Variants in ZSWIM6 observed in about 807,000 individuals in gnomAD.
ZSWIM6 encodes zinc finger SWIM domain-containing protein 6.
ZSWIM6 carries 9 observed loss-of-function variants against 113.2 expected under a neutral mutation model. The observed-to-expected ratio is 0.08, with a 90% CI of 0.05 to 0.14. The LOEUF is 0.14. Among genes scored for constraint, ZSWIM6 ranks in the 10% least tolerant of loss-of-function variants. The pLI, the probability that ZSWIM6 is intolerant of heterozygous loss-of-function variation, is 1.00. For synonymous variants in ZSWIM6, 611 were observed against 606.5 expected (o/e 1.01, Z -0.11); for missense variants, 1,162 against 1,552.2 (o/e 0.75, Z 4.22).
rs573398112 is a variant in ZSWIM6, at chr5:61,345,394, G to T, written c.676+12446G>T. Among the ~76,000 whole-genome samples the T allele has an allele frequency of 3.9e-5, 6 of 152,328 alleles. No individual in the cohort carries two copies. In the East Asian group the frequency reaches 1.2e-3, roughly 29 times the overall value. On this transcript the variant is annotated intron_variant, in intron 1 of 13. Transcript: ENST00000252744. ...AGCCAGTGTTATGTAGATTGTGTTT[G>T]CAAATTGAGTTTAAAGTTTTTGGAT...
chr5:61,421,520 G>C (rs1181252568), intron 1 of ZSWIM6, among the ~76,000 whole-genome samples: 2 of 152,102 alleles, frequency 1.3e-5, no homozygotes, highest in African/African-American at 2.4e-5. Flanking sequence ...GGGTACATGT[G>C]AAGATTTGTT....
At chr5:61,507,328 G>A (rs1327972493) in intron 4 of ZSWIM6, among the ~76,000 whole-genome samples, 1 of 152,142 alleles carries the variant, frequency 6.6e-6, no homozygotes, top group African/African-American at 2.4e-5. Context: ...AAACCATGAA[G>A]GAGAAGGAAC....
Position 61,492,808 on chromosome 5 carries a change from G to C in ZSWIM6, c.1183-1452G>C, listed in dbSNP as rs530167005. 4.6e-5 allele frequency among the ~76,000 whole-genome samples: 7 copies of C among 152,178 alleles called. No individual in the cohort carries two copies. In the East Asian group the frequency reaches 1.2e-3, roughly 25 times the overall value. ...GGAATTTCCATTTCTTGAGGGTGCAGACCTCAGGCAGGATCTATTCTAGAT... is the reference window on the plus strand; with the variant it reads ...GGAATTTCCATTTCTTGAGGGTGCACACCTCAGGCAGGATCTATTCTAGAT... On this transcript the variant is annotated intron_variant, in intron 3 of 13. Coordinates refer to ENST00000252744, the MANE Select transcript of ZSWIM6 (RefSeq NM_020928.2).
chr5:61,368,615 T>C (rs1745206685), intron 1 of ZSWIM6, among the ~76,000 whole-genome samples: 1 of 152,254 alleles, frequency 6.6e-6, no homozygotes, highest in South Asian at 2.1e-4. Context: ...TTTTAAATTA[T>C]CAGTTTGCCT....
intron 1 of ZSWIM6, among the ~76,000 whole-genome samples, chr5:61,336,612 A>G (rs1744403587): frequency 6.6e-6 from 1 of 152,048 alleles, no homozygotes; most frequent in Non-Finnish European, 1.5e-5. Context: ...TACAAAAATT[A>G]GGCATCGTGG....
chr5:61,404,456 A>G (rs556193318), intron 1 of ZSWIM6, among the ~76,000 whole-genome samples: 1 of 152,296 alleles, frequency 6.6e-6, no homozygotes, highest in African/African-American at 2.4e-5. Flanking sequence ...AGCCATGGCT[A>G]CCACCTCTCA....
chr5:61,542,961 G>A (rs1408403151), intron 13 of ZSWIM6, among the ~76,000 whole-genome samples: 1 of 152,178 alleles, frequency 6.6e-6, no homozygotes, highest in East Asian at 1.9e-4. Flanking sequence ...TGATTCATCT[G>A]TAGGTCTGCT....
intron 1 of ZSWIM6, among the ~76,000 whole-genome samples, chr5:61,357,906 T>C (rs1358256336): frequency 6.6e-6 from 1 of 152,202 alleles, no homozygotes; most frequent in Non-Finnish European, 1.5e-5. Context: ...GGACCTGTTT[T>C]AGCCCTACTC....
At chr5:61,368,013 G>C (rs574903588) in intron 1 of ZSWIM6, among the ~76,000 whole-genome samples, 50 of 152,198 alleles carry the variant, frequency 3.3e-4, no homozygotes, top group Non-Finnish European at 6.6e-4. Context: ...TGTAGTCCCA[G>C]CTACTTGGGA....
intron 1 of ZSWIM6, among the ~76,000 whole-genome samples, chr5:61,404,286 A>C (rs1410835667): frequency 6.6e-6 from 1 of 152,218 alleles, no homozygotes; most frequent in Non-Finnish European, 1.5e-5. Context: ...TATCAGTTGC[A>C]TTCTTAAAAT....
rs537360068 is a variant in ZSWIM6, at chr5:61,383,646, C to T, written c.676+50698C>T. ...CGCCTCCCCAGTTCAAGTAGTTCTC[C>T]TGTTTCCTCCTTCTCAAGTCCTCCT... On this transcript the variant is annotated intron_variant, in intron 1 of 13. Transcript: ENST00000252744. Among the ~76,000 whole-genome samples, 21 of 151,978 alleles carry T rather than the reference C, an allele frequency of 1.4e-4. No homozygotes were observed. The East Asian group carries it at 4.1e-3, about 30-fold the overall frequency.
intron 2 of ZSWIM6, among the ~76,000 whole-genome samples, chr5:61,483,520 T>A (rs1747932516): frequency 6.6e-6 from 1 of 152,174 alleles, no homozygotes; most frequent in Non-Finnish European, 1.5e-5. Flanking sequence ...TATCTATGTA[T>A]GTATATATGT....
At chr5:61,413,431 A>C (rs35102220) in intron 1 of ZSWIM6, among the ~76,000 whole-genome samples, 12,259 of 151,832 alleles carry the variant, frequency 0.081, 706 homozygotes, top group South Asian at 0.19. Context: ...ATTGTTGGAC[A>C]TTTGGCTTGG....
chr5:61,535,582 G>A lies in ZSWIM6; in HGVS notation c.2344G>A (p.Ala782Thr). The A allele has an allele frequency of 6.4e-7, 1 of 1,551,216 alleles. No individual in the cohort carries two copies. The highest frequency in any genetic ancestry group is 2.4e-5 in the East Asian group (1 of 40,900). ...CTTCACCTCTCTCCTACCTCACGAT[G>A]CTGAATTGGCATACAAAATTGCACT... Reference protein sequence around the residue: ...YLFTSLLPHDAELAYKIALRA... With the variant: ...YLFTSLLPHDTELAYKIALRA... Residue 782 changes from alanine to threonine, a missense_variant, in exon 10 of 14, where the codon GCT (alanine) becomes ACT (threonine). Physicochemically the swap from Ala to Thr is moderately conservative, Grantham distance 58. Around this residue, in one of 4 missense-constraint regions of ZSWIM6, gnomAD observed 620 missense variants for 804.6 expected, o/e 0.77. Transcript: ENST00000252744.
intron 4 of ZSWIM6, among the ~76,000 whole-genome samples, chr5:61,505,175 A>G (rs1205065585): frequency 6.6e-6 from 1 of 152,194 alleles, no homozygotes; most frequent in Non-Finnish European, 1.5e-5. Flanking sequence ...CTTATGCTTA[A>G]CTGGCTTAGT....
intron 1 of ZSWIM6, among the ~76,000 whole-genome samples, chr5:61,411,400 A>G (rs886139481): frequency 4.0e-5 from 6 of 151,844 alleles, no homozygotes; most frequent in African/African-American, 1.5e-4. Context: ...TGAAGAAACA[A>G]CCCCCTAATT....
chr5:61,336,653 G>C (rs1744404839), intron 1 of ZSWIM6, among the ~76,000 whole-genome samples: 1 of 152,224 alleles, frequency 6.6e-6, no homozygotes, highest in African/African-American at 2.4e-5. Flanking sequence ...TACTTGGGAA[G>C]CTGAGGCAGA....
At chr5:61,514,902 T>C (rs1455366253) in intron 4 of ZSWIM6, among the ~76,000 whole-genome samples, 1 of 152,150 alleles carries the variant, frequency 6.6e-6, no homozygotes, top group Non-Finnish European at 1.5e-5. Context: ...TGGGAACCCT[T>C]CCCTCCTCTT....
At chr5:61,540,471 A>G (rs1749698284) in intron 12 of ZSWIM6, among the ~76,000 whole-genome samples, 1 of 152,194 alleles carries the variant, frequency 6.6e-6, no homozygotes, top group African/African-American at 2.4e-5. Context: ...TGGGGAGTAT[A>G]ATCCCCTGAT....
Sources: gnomAD v4.1 joint callset for allele counts (sites outside exome capture counted in the v4.1 genomes callset) on GRCh38, gnomAD v4.1.1 for gene constraint, gnomAD v4.1.1 regional missense constraint, MANE v1.5 for transcripts, NCBI Gene and HGNC (gene_info 2026-07-23, HGNC 2026-07-21) for gene names.